EEF2K: variants seen among roughly 807,000 people sequenced by gnomAD.
EEF2K encodes alternative protein EEF2K.
A neutral mutation model predicts 93.8 loss-of-function variants in EEF2K; 70 were observed. The observed-to-expected ratio is 0.75, with a 90% CI of 0.62 to 0.91. The LOEUF (loss-of-function observed/expected upper bound fraction) is 0.91. EEF2K is among the 40% of genes least tolerant of loss of function. EEF2K has a pLI of 0.00. For synonymous variants in EEF2K, 376 were observed against 380.8 expected (o/e 0.99, Z 0.15); for missense variants, 935 against 972.9 (o/e 0.96, Z 0.52).
chr16:22,252,537 A>C (rs1360967238), intron 6 of EEF2K, among the ~76,000 whole-genome samples: 1 of 152,236 alleles, frequency 6.6e-6, no homozygotes, highest in Non-Finnish European at 1.5e-5. Flanking sequence ...AGGAATATGC[A>C]GATTGGGCAC....
intron 6 of EEF2K, 152 bp from the exon 7 acceptor site, chr16:22,256,596 C>A: frequency 1.4e-6 from 1 of 727,592 alleles, no homozygotes; most frequent in East Asian, 3.2e-5. Context: ...AGATTCTGGG[C>A]ATCATCAGGA....
chr16:22,269,490 C>T (rs1003089988), intron 15 of EEF2K, among the ~76,000 whole-genome samples: 1 of 152,030 alleles, frequency 6.6e-6, no homozygotes, highest in Non-Finnish European at 1.5e-5. Flanking sequence ...CAACCTCCAC[C>T]TCCCAGGTTC....
Position 22,288,727 on chromosome 16 carries a change from C to T in EEF2K, c.*4731C>T, listed in dbSNP as rs1299472244. 6.6e-6 allele frequency: 1 copy of T among 150,574 alleles called. No individual in the cohort carries two copies. The highest frequency in any genetic ancestry group is 1.9e-4 in the East Asian group (1 of 5,160). 9.3% of individuals were successfully genotyped at this position (150,574 alleles called of 1,614,324 possible). ...TTTCTCTTTACAAATAAAGTGTTTT[C>T]TTTCTTTTCTGTCTCAGACTCAAAT... On this transcript the variant is annotated 3_prime_UTR_variant, in exon 18 of 18. Coordinates refer to ENST00000263026, the MANE Select transcript of EEF2K (RefSeq NM_013302.5).
chr16:22,273,604 C>T, intron 15 of EEF2K, 22 bp from the exon 16 acceptor site: 3 of 1,612,902 alleles, frequency 1.9e-6, no homozygotes, highest in Non-Finnish European at 2.5e-6. Flanking sequence ...CTTCTTTCTC[C>T]CTCTTTGGTT....
intron 2 of EEF2K, among the ~76,000 whole-genome samples, chr16:22,235,141 G>A (rs1474770057): frequency 1.3e-5 from 2 of 151,702 alleles, no homozygotes; most frequent in Non-Finnish European, 2.9e-5. Context: ...TTAAACCTGG[G>A]AGGCAGAGAT....
At chr16:22,220,759 T>G (rs1264128544) in intron 1 of EEF2K, among the ~76,000 whole-genome samples, 1 of 151,530 alleles carries the variant, frequency 6.6e-6, no homozygotes, top group African/African-American at 2.4e-5. Flanking sequence ...ATCTGAGCTT[T>G]TAACCACCGA....
Position 22,257,322 on chromosome 16 carries a change from G to C in EEF2K, c.838G>C (p.Asp280His). 6.2e-7 allele frequency: 1 copy of C among 1,612,652 alleles called. No homozygotes were observed. The highest frequency in any genetic ancestry group is 8.5e-7 in the Non-Finnish European group (1 of 1,179,486). Residue 280 changes from aspartate (D) to histidine (H), a missense_variant, in exon 8 of 18, where the codon GAT becomes CAT. Transcript: ENST00000263026. ...AGTGGTGGACATCCAGGGAGTTGGG[G>C]ATCTCTACACTGACCCACAGATCCA... ...LIVVDIQGVG[D>H]LYTDPQIHTE...
In EEF2K at chr16:22,244,223, T is replaced by C. The variant is rs1236778806; in HGVS notation, c.247-407T>C. 4.6e-5 allele frequency among the ~76,000 whole-genome samples: 7 copies of C among 151,732 alleles called. No individual in the cohort carries two copies. The Admixed American group carries it at 4.6e-4, about 10-fold the overall frequency. ...CAGCCTGGGTGACAGAGTGAGACTC[T>C]GTTTCTATATATATATATACGTTAT... is the stretch of plus-strand genomic sequence containing the variant. On this transcript the variant is annotated intron_variant, in intron 2 of 17. Coordinates refer to ENST00000263026, the MANE Select transcript of EEF2K (RefSeq NM_013302.5).
chr16:22,245,778 G>A (rs2141665979), intron 3 of EEF2K, among the ~76,000 whole-genome samples: 1 of 152,200 alleles, frequency 6.6e-6, no homozygotes, highest in Non-Finnish European at 1.5e-5. Flanking sequence ...GCACCTATCT[G>A]TGACAAAAAC....
rs1014400797 is a variant in EEF2K at position 22,248,768 on chromosome 16, A to T, written c.361A>T (p.Thr121Ser). 19 of 1,613,906 alleles carry T rather than the reference A, an allele frequency of 1.2e-5. No individual in the cohort carries two copies. In the Middle Eastern group the frequency reaches 4.9e-4, roughly 42 times the overall value. ...RATRHRYNAV[T>S]GEWLDDEVLI... is the part of the protein sequence containing the mutation. ...GGGTCTCTGCAGGTACAACGCCGTC[A>T]CCGGGGAATGGCTGGATGATGAAGT... Residue 121 changes from threonine to serine, a missense_variant, in exon 4 of 18, where the codon ACC becomes TCC. Transcript: ENST00000263026.
Position 22,266,427 on chromosome 16 carries a change from G to C in EEF2K, c.1478G>C (p.Arg493Pro), listed in dbSNP as rs144906808. The C allele has an allele frequency of 6.2e-7, 1 of 1,613,910 alleles. No homozygotes were observed. Among genetic ancestry groups the C allele is most frequent in the African/African-American group, 1.3e-5 (1 of 74,878 alleles). Residue 493 changes from arginine to proline, a missense_variant, in exon 14 of 18, where the codon CGC (arginine) becomes CCC (proline). Arg to Pro is a moderately radical substitution (Grantham distance 103). Coordinates refer to ENST00000263026, the MANE Select transcript of EEF2K (RefSeq NM_013302.5). ...AAGTGGAATCTCCTCAACTCCTCCC[G>C]CCTCCACCTGCCGAGGGCTTCGGCC... ...VEKWNLLNSSRLHLPRASAVA... is the reference protein window; with the variant it reads ...VEKWNLLNSSPLHLPRASAVA...
chr16:22,263,198 C>A lies in EEF2K; in HGVS notation c.1377+11C>A. 6.2e-7 allele frequency: 1 copy of A among 1,607,284 alleles called. No homozygotes were observed. The highest frequency in any genetic ancestry group is 8.5e-7 in the Non-Finnish European group (1 of 1,176,982). ...GAGCCCCGAGAACATGTAAGGAACCCCCAGGAAATGAGACCGGTGTCACCT... is the reference window on the plus strand; with the variant it reads ...GAGCCCCGAGAACATGTAAGGAACCACCAGGAAATGAGACCGGTGTCACCT... On this transcript the variant is annotated intron_variant, in intron 12 of 17. Transcript: ENST00000263026.
rs770090956 is a variant in EEF2K, at chr16:22,225,865, C to T, written c.136C>T (p.Pro46Ser). Reference sequence around the variant, plus strand: ...CTTCATCTGCCCCATCACGGATGACCCAAGCTCGAACCAGAATGTCAATTC... The same window carrying T: ...CTTCATCTGCCCCATCACGGATGACTCAAGCTCGAACCAGAATGTCAATTC... ...GYFICPITDDPSSNQNVNSKV... is the reference protein window; with the variant it reads ...GYFICPITDDSSSNQNVNSKV... The change falls in exon 2 of 18, where the codon CCA (proline) becomes TCA (serine). Residue 46 changes from proline (P) to serine (S), a missense_variant. Transcript: ENST00000263026. 1 of 1,614,150 alleles carries T rather than the reference C, an allele frequency of 6.2e-7. No individual in the cohort carries two copies. Among genetic ancestry groups the T allele is most frequent in the Admixed American group, 1.7e-5 (1 of 60,006 alleles).
intron 11 of EEF2K, among the ~76,000 whole-genome samples, chr16:22,261,469 A>C (rs1188192951): frequency 6.6e-6 from 1 of 152,108 alleles, no homozygotes; most frequent in Non-Finnish European, 1.5e-5. Context: ...GGGGCAGATC[A>C]CTTGAGGTCA....
rs574420667 is a variant in EEF2K at position 22,225,694 on chromosome 16, C to T, written c.-36C>T. ...ATTTGTCCAGTAACTCTGGCTGTGC[C>T]GGATACTGCTTGGGTAAAACGGGCA... On this transcript the variant is annotated 5_prime_UTR_variant, in exon 2 of 18. Transcript: ENST00000263026. 2.5e-6 allele frequency: 4 copies of T among 1,606,568 alleles called. No homozygotes were observed. The highest frequency in any genetic ancestry group is 1.3e-5 in the African/African-American group (1 of 74,866).
chr16:22,256,992 C>A, intron 7 of EEF2K, 95 bp downstream of exon 7: 1 of 1,546,778 alleles, frequency 6.5e-7, no homozygotes, highest in South Asian at 1.2e-5. Flanking sequence ...TCCCTGTGGG[C>A]TTGGAGTCTC....
chr16:22,280,355 G>A lies in EEF2K; in HGVS notation c.2047G>A (p.Glu683Lys). 2 of 1,591,064 alleles carry A rather than the reference G, an allele frequency of 1.3e-6. No homozygotes were observed. The highest frequency in any genetic ancestry group is 1.7e-5 in the Admixed American group (1 of 57,412). Residue 683 changes from glutamate (E) to lysine (K), a missense_variant, in exon 17 of 18, where the codon GAG becomes AAG. Transcript: ENST00000263026. Reference sequence around the variant, plus strand: ...GCTGTTCACAGGAGGCTACGGGCTGGAGAAGGACCCGCAGAGATCAGGTAG... The same window carrying A: ...GCTGTTCACAGGAGGCTACGGGCTGAAGAAGGACCCGCAGAGATCAGGTAG... ...EMLFTGGYGL[E>K]KDPQRSGDLY...
chr16:22,273,042 A>G (rs974659114), intron 15 of EEF2K, among the ~76,000 whole-genome samples: 4 of 152,194 alleles, frequency 2.6e-5, no homozygotes, highest in Non-Finnish European at 4.4e-5. Flanking sequence ...AGCTTAGCCC[A>G]GGAGGGTTTT....
chr16:22,258,450 A>C, intron 9 of EEF2K, 44 bp from the exon 10 acceptor site: 1 of 1,599,592 alleles, frequency 6.3e-7, no homozygotes, highest in Non-Finnish European at 8.5e-7. Context: ...TTTAATTCCC[A>C]GAGGGTGTGT....
Sources: gnomAD v4.1 joint callset for allele counts (sites outside exome capture counted in the v4.1 genomes callset) on GRCh38, gnomAD v4.1.1 for gene constraint, MANE v1.5 for transcripts, NCBI Gene and HGNC (gene_info 2026-07-23, HGNC 2026-07-21) for gene names.